The following ACACA variants were observed in gnomAD, a reference collection of about 807,000 sequenced individuals.
The protein encoded by ACACA is acetyl-CoA carboxylase 1.
Under a neutral mutation model 296.1 loss-of-function variants are expected in ACACA, and 103 were observed. The observed-to-expected ratio is 0.35, with a 90% CI of 0.30 to 0.41. The LOEUF (loss-of-function observed/expected upper bound fraction) is 0.41, where lower values mean the gene tolerates loss of function less well. ACACA is among the 10% of genes least tolerant of loss of function. The probability of loss-of-function intolerance (pLI) is 1.00; values close to 1 mark genes in which losing one functional copy is unlikely to be tolerated. For synonymous variants in ACACA, 953 were observed against 1,038.6 expected, an observed-to-expected ratio of 0.92 and a Z score of 1.58; for missense variants, 1,554 against 2,989.7, an observed-to-expected ratio of 0.52 and a Z score of 11.20.
At chr17:37,115,177 T>A (rs986923964) in intron 50 of ACACA, among the ~76,000 whole-genome samples, 3 of 145,012 alleles carry the variant, frequency 2.1e-5, no homozygotes, top group African/African-American at 4.9e-5. Flanking sequence ...CCAAAAAAAT[T>A]TACTGCTAAT....
intron 45 of ACACA, among the ~76,000 whole-genome samples, chr17:37,148,389 C>T (rs1354588194): frequency 1.3e-5 from 2 of 152,122 alleles, no homozygotes; most frequent in African/African-American, 2.4e-5. Flanking sequence ...TGTGCCTTTC[C>T]TTGATGAGAA....
At chr17:37,201,297 C>G (rs2078236312) in intron 33 of ACACA, among the ~76,000 whole-genome samples, 2 of 151,982 alleles carry the variant, frequency 1.3e-5, no homozygotes, top group South Asian at 4.1e-4. Context: ...AAAAATGAGC[C>G]AAGTGTGGTG....
chr17:37,332,151 GAC>G (rs2147240889), intron 2 of ACACA, among the ~76,000 whole-genome samples: 1 of 151,196 alleles, frequency 6.6e-6, no homozygotes, highest in African/African-American at 2.4e-5. Flanking sequence ...AAACCATCAT[GAC>G]ACGTGTTTAC....
intron 1 of ACACA, among the ~76,000 whole-genome samples, chr17:37,393,472 C>T (rs1597795241): frequency 6.6e-6 from 1 of 152,112 alleles, no homozygotes; most frequent in South Asian, 2.1e-4. Context: ...CACTGAATGT[C>T]CCTTAATCCT....
intron 1 of ACACA, chr17:37,379,336 A>G: frequency 6.2e-7 from 1 of 1,613,936 alleles, no homozygotes; most frequent in South Asian, 1.1e-5. Context: ...GCTGTCACCT[A>G]ATCCCCACAT....
At chr17:37,096,235 C>A (rs540968176) in intron 54 of ACACA, among the ~76,000 whole-genome samples, 1 of 152,182 alleles carries the variant, frequency 6.6e-6, no homozygotes, top group Admixed American at 6.5e-5. Context: ...GCTTAAAATA[C>A]CTGAGTGGTT....
chr17:37,096,122 T>C (rs1294582901), intron 54 of ACACA, among the ~76,000 whole-genome samples: 1 of 152,220 alleles, frequency 6.6e-6, no homozygotes, highest in Admixed American at 6.5e-5. Context: ...CTCCTGCCGA[T>C]CACAACCTGT....
chr17:37,098,371 T>C (rs942118596), intron 52 of ACACA, among the ~76,000 whole-genome samples: 1 of 152,268 alleles, frequency 6.6e-6, no homozygotes, highest in Non-Finnish European at 1.5e-5. Flanking sequence ...CCATCCCTGC[T>C]GACCAGCATC....
intron 50 of ACACA, among the ~76,000 whole-genome samples, chr17:37,118,786 G>A (rs998064551): frequency 6.6e-6 from 1 of 152,216 alleles, no homozygotes; most frequent in Non-Finnish European, 1.5e-5. Flanking sequence ...GGTGCTTGTT[G>A]TGATGATTAT....
At chr17:37,332,042 T>C (rs1404132587) in intron 2 of ACACA, among the ~76,000 whole-genome samples, 1 of 151,980 alleles carries the variant, frequency 6.6e-6, no homozygotes, top group African/African-American at 2.4e-5. Flanking sequence ...AAATTTAAAA[T>C]CTATAATCAC....
chr17:37,210,271 T>C (rs1235047046), intron 30 of ACACA, among the ~76,000 whole-genome samples, 196 bp downstream of exon 30: 1 of 152,134 alleles, frequency 6.6e-6, no homozygotes, highest in East Asian at 1.9e-4. Context: ...GTAGTGCTTT[T>C]TGAACAGCTG....
At chr17:37,332,107 C>T (rs534766283) in intron 2 of ACACA, among the ~76,000 whole-genome samples, 60 of 151,936 alleles carry the variant, frequency 3.9e-4, no homozygotes, top group African/African-American at 1.4e-3. Flanking sequence ...GGATTAGATA[C>T]TGCCAATAGC....
chr17:37,143,597 A>AT, intron 45 of ACACA: 2 of 776,392 alleles, frequency 2.6e-6, no homozygotes, highest in Non-Finnish European at 4.1e-6. Context: ...TTACATTTCA[A>AT]TTTTTTTCTT....
chr17:37,215,010 C>T lies in ACACA; in HGVS notation c.3684-4520G>A, dbSNP rs73982271. ...GGAAGGCTCCTGATTTCTAACCTTC[C>T]TTATGAATAAAAAGTCCAGAGGCCG... On this transcript the variant is annotated intron_variant, in intron 29 of 55. Coordinates refer to ENST00000616317, the MANE Select transcript of ACACA (RefSeq NM_198834.3). Among the ~76,000 whole-genome samples the T allele has an allele frequency of 1.2e-3, 178 of 152,280 alleles. 1 individual carries two copies. Among genetic ancestry groups the T allele is most frequent in the African/African-American group, 4.2e-3 (173 of 41,554 alleles).
intron 14 of ACACA, 67 bp from the exon 15 acceptor site, chr17:37,253,103 T>A: frequency 6.2e-7 from 1 of 1,610,722 alleles, no homozygotes; most frequent in Non-Finnish European, 8.5e-7. Context: ...ATTTTAAAGA[T>A]CTGTTTGGCC....
chr17:37,216,834 A>G (rs1008944391), intron 29 of ACACA, among the ~76,000 whole-genome samples: 1 of 144,628 alleles, frequency 6.9e-6, no homozygotes, highest in African/African-American at 2.5e-5. Flanking sequence ...TTTCCTGAAT[A>G]AAAAAAAAAA....
chr17:37,346,374 G>T lies in ACACA; in HGVS notation c.39-6524C>A, dbSNP rs1017071254. Among the ~76,000 whole-genome samples the T allele has an allele frequency of 2.2e-5, 3 of 138,372 alleles. No homozygotes were observed. In the Admixed American group the frequency reaches 2.4e-4, roughly 11 times the overall value. The allele number at this position is 138,372 out of a possible 152,430, so 90.8% of individuals were successfully genotyped here. A position where few individuals can be genotyped will look rare whatever the true frequency, so the allele number is the denominator to read the frequency against. ...AGATATTAACAATTGCCTACTTGAGGGTAGCAGATGGGAGGAGGGAAACGA... is the reference window on the plus strand; with the variant it reads ...AGATATTAACAATTGCCTACTTGAGTGTAGCAGATGGGAGGAGGGAAACGA... On this transcript the variant is annotated intron_variant, in intron 1 of 55. Coordinates refer to ENST00000616317, the MANE Select transcript of ACACA (RefSeq NM_198834.3).
chr17:37,191,958 G>T lies in ACACA; in HGVS notation c.4416+132C>A, dbSNP rs1419114680. ...AACATTGAAATAGAACAAGAACCTT[G>T]ATTCAAAAAATGAAAACCTGATCTT... is the stretch of plus-strand genomic sequence containing the variant. On this transcript the variant is annotated intron_variant, in intron 37 of 55. Coordinates refer to ENST00000616317, the MANE Select transcript of ACACA (RefSeq NM_198834.3). 6 of 910,360 alleles carry T rather than the reference G, an allele frequency of 6.6e-6. No individual in the cohort carries two copies. In the African/African-American group the frequency reaches 6.8e-5, roughly 10 times the overall value. 56.4% of individuals were successfully genotyped at this position (910,360 alleles called of 1,614,324 possible).
intron 1 of ACACA, among the ~76,000 whole-genome samples, chr17:37,375,162 C>A (rs1480331958): frequency 6.6e-6 from 1 of 151,450 alleles, no homozygotes; most frequent in African/African-American, 2.4e-5. Context: ...CCACTGCACT[C>A]CAGCCTGGGC....
Sources: allele counts gnomAD v4.1 joint callset (sites outside exome capture counted in the v4.1 genomes callset), GRCh38; gene constraint gnomAD v4.1.1; transcripts MANE v1.5; gene names NCBI Gene and HGNC (gene_info 2026-07-23, HGNC 2026-07-21).